PTPRT: variants seen among roughly 807,000 people sequenced by gnomAD.
PTPRT encodes receptor-type tyrosine-protein phosphatase T.
Under a neutral mutation model 176.8 loss-of-function variants are expected in PTPRT, and 56 were observed. That is an observed-to-expected ratio of 0.32 (90% CI 0.26 to 0.40). The LOEUF (loss-of-function observed/expected upper bound fraction) is 0.40. Among genes scored for constraint, PTPRT ranks in the 10% least tolerant of loss-of-function variants. PTPRT has a pLI of 1.00. For synonymous variants in PTPRT, 783 were observed against 739.0 expected (o/e 1.06, Z -0.96); for missense variants, 1,540 against 1,908.2 (o/e 0.81, Z 3.60).
intron 1 of PTPRT, among the ~76,000 whole-genome samples, chr20:42,995,326 A>T (rs1424670694): frequency 2.6e-5 from 4 of 152,156 alleles, no homozygotes; most frequent in African/African-American, 9.7e-5. Flanking sequence ...AACCCCACTG[A>T]TTCTGTTTTA....
intron 29 of PTPRT, among the ~76,000 whole-genome samples, chr20:42,082,233 GC>G (rs1396022978): frequency 6.6e-6 from 1 of 152,164 alleles, no homozygotes; most frequent in Non-Finnish European, 1.5e-5. Flanking sequence ...CTCTGTCTGG[GC>G]CCCAAGTTCC....
intron 7 of PTPRT, among the ~76,000 whole-genome samples, chr20:42,504,459 G>A (rs978885570): frequency 6.6e-6 from 1 of 152,044 alleles, no homozygotes; most frequent in African/African-American, 2.4e-5. Context: ...GGAACTTTCA[G>A]AATAAACAAA....
In PTPRT at chr20:43,017,099, A is replaced by C. The variant is rs141569532; in HGVS notation, c.89-131167T>G. Among the ~76,000 whole-genome samples, 733 of 152,296 alleles carry C rather than the reference A, an allele frequency of 4.8e-3. 9 individuals carry two copies. Among genetic ancestry groups the C allele is most frequent in the African/African-American group, 0.017 (704 of 41,562 alleles). On this transcript the variant is annotated intron_variant, in intron 1 of 30. Coordinates refer to ENST00000373187, the MANE Select transcript of PTPRT (RefSeq NM_007050.6). ...CAAAAAAAATCCCTGTTGAACAAAG[A>C]ATCAAAAATACAAGGAAAGACAGGA...
intron 6 of PTPRT, among the ~76,000 whole-genome samples, chr20:42,680,087 G>T (rs2075577319): frequency 6.6e-6 from 1 of 152,208 alleles, no homozygotes; most frequent in African/African-American, 2.4e-5. Context: ...CACATGGATA[G>T]AAGGCAGGTA....
chr20:43,051,625 T>TAAAAAAAAAAAAAAAAA (rs35885799), intron 1 of PTPRT, among the ~76,000 whole-genome samples: 2 of 91,952 alleles, frequency 2.2e-5, no homozygotes, highest in African/African-American at 5.3e-5. Flanking sequence ...TCTGTAACTG[T>TAAAAAAAAAAAAAAAAA]AAAAAAAAAA....
chr20:43,177,100 G>A (rs991988214), intron 1 of PTPRT, among the ~76,000 whole-genome samples: 2 of 152,190 alleles, frequency 1.3e-5, no homozygotes, highest in African/African-American at 4.8e-5. Flanking sequence ...CTGCAATGAC[G>A]CCATTGGTGT....
At chr20:43,185,260 G>A (rs998201654) in intron 1 of PTPRT, among the ~76,000 whole-genome samples, 3 of 152,174 alleles carry the variant, frequency 2.0e-5, no homozygotes, top group South Asian at 2.1e-4. Context: ...GGAATGCCAT[G>A]GCCCTTGTTT....
Position 42,139,910 on chromosome 20 carries a change from T to TTAA in PTPRT, c.2770+2002_2770+2004dup, listed in dbSNP as rs139384701. ...TGAGGAGGCCCACATGTCATAAGTC[T>TTAA]TAATACATGTTTGCTGACTGTTTGA... is the stretch of plus-strand genomic sequence containing the variant. On this transcript the variant is annotated intron_variant, in intron 18 of 30. Coordinates refer to ENST00000373187, the MANE Select transcript of PTPRT (RefSeq NM_007050.6). 7.2e-3 allele frequency among the ~76,000 whole-genome samples: 1,093 copies of TTAA among 152,372 alleles called. 10 individuals are homozygous for TTAA. The highest frequency in any genetic ancestry group is 0.025 in the African/African-American group (1,038 of 41,586).
chr20:42,734,846 G>A (rs965636051), intron 6 of PTPRT, among the ~76,000 whole-genome samples: 2 of 152,134 alleles, frequency 1.3e-5, no homozygotes, highest in Admixed American at 1.3e-4. Context: ...AGGGACACAT[G>A]ATACCTCCTG....
chr20:42,645,331 A>G lies in PTPRT; in HGVS notation c.1153+32535T>C, dbSNP rs182412841. Among the ~76,000 whole-genome samples the G allele has an allele frequency of 1.3e-3, 202 of 152,220 alleles. 1 individual carries two copies. The highest frequency in any genetic ancestry group is 4.7e-3 in the African/African-American group (194 of 41,520). On this transcript the variant is annotated intron_variant, in intron 7 of 30. Coordinates refer to ENST00000373187, the MANE Select transcript of PTPRT (RefSeq NM_007050.6). Reference sequence around the variant, plus strand: ...ACACTCCATGAGCGACCCTCATCCAATGTCGGCTGGGAATGGGTGGATAAA... The same window carrying G: ...ACACTCCATGAGCGACCCTCATCCAGTGTCGGCTGGGAATGGGTGGATAAA...
At chr20:42,772,435 C>A (rs1191024842) in intron 4 of PTPRT, among the ~76,000 whole-genome samples, 1 of 152,162 alleles carries the variant, frequency 6.6e-6, no homozygotes, top group Admixed American at 6.5e-5. Context: ...GGGAAAGGGT[C>A]TTTCAAATGA....
chr20:42,702,396 G>A (rs1330881711), intron 6 of PTPRT, among the ~76,000 whole-genome samples: 1 of 152,178 alleles, frequency 6.6e-6, no homozygotes, highest in Non-Finnish European at 1.5e-5. Context: ...AGGTTGCAAG[G>A]AAGGCAAACC....
At chr20:42,984,527 TAA>T (rs1363779614) in intron 1 of PTPRT, among the ~76,000 whole-genome samples, 2 of 152,112 alleles carry the variant, frequency 1.3e-5, no homozygotes, top group East Asian at 3.8e-4. Flanking sequence ...CACACAGAAG[TAA>T]AGTCTCCTTA....
At position 43,041,601 on chromosome 20, in the gene PTPRT, G is replaced by A. The variant is rs189081455; in HGVS notation, c.88+148045C>T. 3.6e-3 allele frequency among the ~76,000 whole-genome samples: 543 copies of A among 152,206 alleles called. 3 individuals are homozygous for A. The highest frequency in any genetic ancestry group is 6.1e-3 in the Non-Finnish European group (417 of 68,012). The stretch of plus-strand genomic sequence containing the variant: ...TGCCACCTACTTCCCTTAGATCATC[G>A]TACAAGGGCTACCTCTTCCAAGAAT... On this transcript the variant is annotated intron_variant, in intron 1 of 30. Coordinates refer to ENST00000373187, the MANE Select transcript of PTPRT (RefSeq NM_007050.6).
chr20:42,408,782 T>C (rs769353498), intron 9 of PTPRT, among the ~76,000 whole-genome samples: 135 of 152,366 alleles, frequency 8.9e-4, no homozygotes, highest in Non-Finnish European at 1.5e-3. Flanking sequence ...TGAGAGTGGG[T>C]AATTTATAAA....
chr20:42,298,456 C>T (rs1213180400), intron 12 of PTPRT, among the ~76,000 whole-genome samples: 1 of 152,108 alleles, frequency 6.6e-6, no homozygotes, highest in Admixed American at 6.6e-5. Context: ...GTGTATTAGT[C>T]CACCCTTTAA....
chr20:42,197,161 C>T (rs374590761), intron 16 of PTPRT, among the ~76,000 whole-genome samples: 31 of 151,986 alleles, frequency 2.0e-4, no homozygotes, highest in South Asian at 4.2e-4. Flanking sequence ...GGGCGGATTA[C>T]GAGGTCAGGA....
At chr20:43,062,324 G>T (rs1987500423) in intron 1 of PTPRT, among the ~76,000 whole-genome samples, 1 of 152,202 alleles carries the variant, frequency 6.6e-6, no homozygotes, top group South Asian at 2.1e-4. Context: ...TCTTTTCCTG[G>T]CTGGGTAACC....
intron 9 of PTPRT, among the ~76,000 whole-genome samples, chr20:42,394,212 T>A (rs543448988): frequency 1.3e-5 from 2 of 152,326 alleles, no homozygotes; most frequent in East Asian, 1.9e-4. Flanking sequence ...TACTCTTTAA[T>A]GTGGCTATGC....
Sources: allele counts gnomAD v4.1 joint callset (sites outside exome capture counted in the v4.1 genomes callset), GRCh38; gene constraint gnomAD v4.1.1; transcripts MANE v1.5; gene names NCBI Gene and HGNC (gene_info 2026-07-23, HGNC 2026-07-21).